COL26A1: variants seen among roughly 807,000 people sequenced by gnomAD.
The protein encoded by COL26A1 is collagen alpha-1(XXVI) chain.
A neutral mutation model predicts 59.3 loss-of-function variants in COL26A1; 41 were observed. The ratio of observed to expected loss-of-function variants is 0.69; its 90% confidence interval spans 0.54 to 0.90. COL26A1 has a LOEUF of 0.90. COL26A1 is among the 40% of genes least tolerant of loss of function. COL26A1 has a pLI of 0.00. For missense variants in COL26A1, 612 were observed against 602.3 expected (o/e 1.02, Z -0.17); for synonymous variants, 266 against 256.0 (o/e 1.04, Z -0.37).
chr7:101,519,817 C>A (rs73411687), intron 3 of COL26A1, among the ~76,000 whole-genome samples: 2 of 152,114 alleles, frequency 1.3e-5, no homozygotes, highest in Non-Finnish European at 1.5e-5. Flanking sequence ...CCTCTCTCCT[C>A]GGGAAAAGGA....
intron 2 of COL26A1, among the ~76,000 whole-genome samples, chr7:101,437,141 C>A (rs1183092096): frequency 1.3e-5 from 2 of 152,164 alleles, no homozygotes; most frequent in African/African-American, 4.8e-5. Flanking sequence ...AGAAGGATGT[C>A]AGACAAATAA....
intron 1 of COL26A1, among the ~76,000 whole-genome samples, chr7:101,405,302 GA>G (rs1562964892): frequency 2.0e-5 from 3 of 151,614 alleles, no homozygotes; most frequent in African/African-American, 4.8e-5. Flanking sequence ...TTCTGGTAAG[GA>G]AAGGAGACAA....
At chr7:101,519,737 C>T (rs1795101613) in intron 3 of COL26A1, among the ~76,000 whole-genome samples, 1 of 152,190 alleles carries the variant, frequency 6.6e-6, no homozygotes, top group Admixed American at 6.5e-5. Context: ...AAAGCCCGTT[C>T]AACCTCGTCA....
At chr7:101,364,187 T>C (rs1229702686) in intron 1 of COL26A1, among the ~76,000 whole-genome samples, 2 of 152,054 alleles carry the variant, frequency 1.3e-5, no homozygotes, top group South Asian at 2.1e-4. Context: ...CAGAAAACCA[T>C]AAGCATGCAA....
chr7:101,535,484 C>A (rs2130645034), intron 4 of COL26A1, among the ~76,000 whole-genome samples: 1 of 152,312 alleles, frequency 6.6e-6, no homozygotes, highest in Admixed American at 6.5e-5. Flanking sequence ...CCCCACCCAC[C>A]TGGCCCACAT....
At chr7:101,451,659 A>G (rs1793340610) in intron 3 of COL26A1, among the ~76,000 whole-genome samples, 1 of 151,336 alleles carries the variant, frequency 6.6e-6, no homozygotes, top group Non-Finnish European at 1.5e-5. Flanking sequence ...GGTAGTAAAG[A>G]CAAAAGCTTT....
At chr7:101,438,809 C>T (rs57032786) in intron 2 of COL26A1, among the ~76,000 whole-genome samples, 2 of 151,294 alleles carry the variant, frequency 1.3e-5, no homozygotes, top group Non-Finnish European at 3.0e-5. Flanking sequence ...TAGCTGGGAT[C>T]ACAGGCGTGC....
chr7:101,473,069 G>T lies in COL26A1; in HGVS notation c.385+25282G>T, dbSNP rs1793942857. 2.0e-5 allele frequency among the ~76,000 whole-genome samples: 3 copies of T among 151,638 alleles called. No homozygotes were observed. The South Asian group carries it at 6.2e-4, about 32-fold the overall frequency. On this transcript the variant is annotated intron_variant, in intron 3 of 12. Coordinates refer to ENST00000313669, the MANE Select transcript of COL26A1 (RefSeq NM_001278563.3). Reference sequence around the variant, plus strand: ...CAACTGGTTTATGAGCTGACTATGGGTTGCATCTTTTTTTTTTTCTTTTTT... The same window carrying T: ...CAACTGGTTTATGAGCTGACTATGGTTTGCATCTTTTTTTTTTTCTTTTTT...
intron 3 of COL26A1, among the ~76,000 whole-genome samples, chr7:101,520,627 G>GACACACACACACACAC (rs1250474937): frequency 3.4e-5 from 3 of 88,998 alleles, no homozygotes; most frequent in East Asian, 2.5e-4. Context: ...GACAAGCACA[G>GACACACACACACACAC]ACACATACAC....
At chr7:101,458,834 C>G (rs955137771) in intron 3 of COL26A1, among the ~76,000 whole-genome samples, 1 of 146,304 alleles carries the variant, frequency 6.8e-6, no homozygotes, top group Admixed American at 6.9e-5. Flanking sequence ...CATGGTCTGA[C>G]TTTGTTGCTC....
At chr7:101,438,482 T>C (rs1792970277) in intron 2 of COL26A1, among the ~76,000 whole-genome samples, 1 of 151,228 alleles carries the variant, frequency 6.6e-6, no homozygotes, top group South Asian at 2.1e-4. Flanking sequence ...AAGGGTGGGG[T>C]GAAGGTTCAG....
At chr7:101,365,861 A>G (rs1429332212) in intron 1 of COL26A1, among the ~76,000 whole-genome samples, 1 of 152,192 alleles carries the variant, frequency 6.6e-6, no homozygotes, top group Non-Finnish European at 1.5e-5. Context: ...ACGCCTGCAA[A>G]AAAGCAAGAG....
At chr7:101,554,515 T>C (rs551139379) in intron 11 of COL26A1, among the ~76,000 whole-genome samples, 15 of 147,344 alleles carry the variant, frequency 1.0e-4, no homozygotes, top group Admixed American at 2.8e-4. Context: ...GAGAATCGCT[T>C]GAGCCCATGA....
Position 101,405,215 on chromosome 7 carries a change from G to A in COL26A1, c.159-14762G>A, listed in dbSNP as rs1461634638. Among the ~76,000 whole-genome samples the A allele has an allele frequency of 4.6e-5, 7 of 151,616 alleles. No individual in the cohort carries two copies. In the East Asian group the frequency reaches 1.4e-3, roughly 29 times the overall value. Reference sequence around the variant, plus strand: ...TCCAGCCTGGGTGACGGAACAGAGCGAGACTCCGTCTCTAAAAAAAAAAAA... The same window carrying A: ...TCCAGCCTGGGTGACGGAACAGAGCAAGACTCCGTCTCTAAAAAAAAAAAA... On this transcript the variant is annotated intron_variant, in intron 1 of 12. Coordinates refer to ENST00000313669, the MANE Select transcript of COL26A1 (RefSeq NM_001278563.3).
chr7:101,429,254 TTC>T (rs1193423437), intron 2 of COL26A1, among the ~76,000 whole-genome samples: 2 of 152,128 alleles, frequency 1.3e-5, no homozygotes, highest in Non-Finnish European at 2.9e-5. Flanking sequence ...TTTTATCGTT[TTC>T]TGTTTCACAT....
intron 3 of COL26A1, among the ~76,000 whole-genome samples, chr7:101,472,290 G>A (rs1049900446): frequency 6.6e-6 from 1 of 152,222 alleles, no homozygotes; most frequent in African/African-American, 2.4e-5. Flanking sequence ...ACAGGTGTGA[G>A]CCGCTGTGCT....
At chr7:101,475,197 A>C (rs1421364910) in intron 3 of COL26A1, among the ~76,000 whole-genome samples, 2 of 151,324 alleles carry the variant, frequency 1.3e-5, no homozygotes, top group Non-Finnish European at 2.9e-5. Context: ...CTCTGTCTCA[A>C]ATAAAAAAGG....
At chr7:101,490,735 A>T (rs982365445) in intron 3 of COL26A1, among the ~76,000 whole-genome samples, 1 of 151,448 alleles carries the variant, frequency 6.6e-6, no homozygotes, top group African/African-American at 2.4e-5. Flanking sequence ...ACCATGGCTC[A>T]TGCCTGTAAT....
At chr7:101,462,302 G>A (rs1017978132) in intron 3 of COL26A1, among the ~76,000 whole-genome samples, 1 of 148,050 alleles carries the variant, frequency 6.8e-6, no homozygotes, top group African/African-American at 2.5e-5. Context: ...CCAGCCTCAG[G>A]GAGCATTTTA....
Sources: gnomAD v4.1 joint callset for allele counts (sites outside exome capture counted in the v4.1 genomes callset) on GRCh38, gnomAD v4.1.1 for gene constraint, MANE v1.5 for transcripts, NCBI Gene and HGNC (gene_info 2026-07-23, HGNC 2026-07-21) for gene names.